Variants in NECAB2 observed in about 807,000 individuals in gnomAD.
The protein encoded by NECAB2 is N-terminal EF-hand calcium-binding protein 2.
Under a neutral mutation model 51.9 loss-of-function variants are expected in NECAB2, and 68 were observed. The observed-to-expected ratio is 1.31, with a 90% confidence interval of 1.08 to 1.60. NECAB2 has a LOEUF of 1.60. Among genes scored for constraint, NECAB2 ranks in the 40% most tolerant of loss-of-function variants. The pLI, the probability that NECAB2 is intolerant of heterozygous loss-of-function variation, is 0.00. For synonymous variants in NECAB2, 329 were observed against 203.5 expected (o/e 1.62, Z -5.25); for missense variants, 854 against 490.3 (o/e 1.74, Z -7.00).
At chr16:84,001,425 G>C (rs114896700) in intron 11 of NECAB2, among the ~76,000 whole-genome samples, 7 of 152,108 alleles carry the variant, frequency 4.6e-5, no homozygotes, top group Admixed American at 2.0e-4. Context: ...GAACAGGGGC[G>C]GTCATGAGAA....
Position 83,980,771 on chromosome 16 carries a change from T to C in NECAB2, c.336-68T>C. On this transcript the variant is annotated intron_variant, in intron 3 of 12. Coordinates refer to ENST00000305202, the MANE Select transcript of NECAB2 (RefSeq NM_019065.3). ...CAGGCAGGATGTGTGTTTCGCAGGC[T>C]GTGCAGGGTCAGGCCTGCTAACCCC... is the stretch of plus-strand genomic sequence containing the variant. 3.9e-6 allele frequency: 6 copies of C among 1,523,714 alleles called. No individual in the cohort carries two copies. In the South Asian group the frequency reaches 7.2e-5, roughly 18 times the overall value. 94.4% of individuals were successfully genotyped at this position (1,523,714 alleles called of 1,614,324 possible).
intron 6 of NECAB2, among the ~76,000 whole-genome samples, chr16:83,992,487 A>C (rs1286732135): frequency 1.3e-5 from 2 of 151,936 alleles, no homozygotes; most frequent in African/African-American, 2.4e-5. Flanking sequence ...GAAAATGCAA[A>C]CAGATGAGGG....
Position 83,979,128 on chromosome 16 carries a change from G to T in NECAB2, c.335+576G>T, listed in dbSNP as rs547084120. Among the ~76,000 whole-genome samples, 135 of 152,270 alleles carry T rather than the reference G, an allele frequency of 8.9e-4. 3 individuals are homozygous for T. The highest frequency in any genetic ancestry group is 3.0e-3 in the African/African-American group (123 of 41,540). On this transcript the variant is annotated intron_variant, in intron 3 of 12. Transcript: ENST00000305202. Reference sequence around the variant, plus strand: ...AAGTGGAAAATGCAGATTCTACTCAGACTTACCCTTGACCCTTCCCAGCCT... The same window carrying T: ...AAGTGGAAAATGCAGATTCTACTCATACTTACCCTTGACCCTTCCCAGCCT...
chr16:83,984,406 C>T (rs1205223344), intron 5 of NECAB2, among the ~76,000 whole-genome samples: 2 of 151,838 alleles, frequency 1.3e-5, no homozygotes, highest in East Asian at 1.9e-4. Flanking sequence ...CACACGCAGG[C>T]ACTTAATGCA....
At chr16:83,999,496 C>T (rs1006790205) in intron 10 of NECAB2, among the ~76,000 whole-genome samples, 7 of 152,170 alleles carry the variant, frequency 4.6e-5, no homozygotes, top group Admixed American at 2.0e-4. Context: ...CATGGTGCAC[C>T]TAAAGCTGCA....
rs748979821 is a variant in NECAB2 at position 83,997,206 on chromosome 16, A to T, written c.796-10A>T. The T allele has an allele frequency of 3.7e-6, 6 of 1,613,978 alleles. No homozygotes were observed. The highest frequency in any genetic ancestry group is 5.1e-6 in the Non-Finnish European group (6 of 1,179,998). On this transcript the variant is annotated splice_polypyrimidine_tract_variant and intron_variant, in intron 8 of 12. Coordinates refer to ENST00000305202, the MANE Select transcript of NECAB2 (RefSeq NM_019065.3). Reference sequence around the variant, plus strand: ...TGGGTCTAGCATCACTGTGTGCTGGATTGTTTCAGGCACTGTGGTTCGACC... The same window carrying T: ...TGGGTCTAGCATCACTGTGTGCTGGTTTGTTTCAGGCACTGTGGTTCGACC...
chr16:83,994,214 C>G (rs1055006625), intron 6 of NECAB2, 88 bp from the exon 7 acceptor site: 1 of 1,181,276 alleles, frequency 8.5e-7, no homozygotes, highest in African/African-American at 1.5e-5. Context: ...CACTGTCTTG[C>G]GTAATAAATG....
chr16:83,991,814 C>CTTTTTTTTT (rs1362219666), intron 6 of NECAB2, among the ~76,000 whole-genome samples: 1 of 142,762 alleles, frequency 7.0e-6, no homozygotes, highest in African/African-American at 2.8e-5. Context: ...CCACACCCAG[C>CTTTTTTTTT]TATTTTTTTT....
intron 5 of NECAB2, among the ~76,000 whole-genome samples, chr16:83,987,574 G>C (rs760785231): frequency 1.5e-4 from 23 of 151,762 alleles, no homozygotes; most frequent in Non-Finnish European, 2.6e-4. Flanking sequence ...TATAATCTGT[G>C]TTCAAAAATC....
upstream of NECAB2, chr16:83,966,412 A>G (rs181003812): frequency 1.2e-3 from 257 of 211,402 alleles, no homozygotes; most frequent in African/African-American, 5.6e-3. Context: ...AAGGGAGGAA[A>G]GGGGATTGTG....
At chr16:83,967,095 C>G (rs146630202), upstream of NECAB2, among the ~76,000 whole-genome samples, 448 of 152,322 alleles carry the variant, frequency 2.9e-3, 1 homozygote, top group African/African-American at 0.011. Flanking sequence ...TGGTCTTGAA[C>G]TCCTGACCTC....
intron 8 of NECAB2, among the ~76,000 whole-genome samples, chr16:83,996,434 C>T (rs535707754): frequency 1.8e-4 from 27 of 152,288 alleles, no homozygotes; most frequent in African/African-American, 6.3e-4. Flanking sequence ...ACAGACTCAT[C>T]CACCTGCTGC....
intron 9 of NECAB2, 137 bp from the exon 10 acceptor site, chr16:83,998,068 C>T (rs1056755067): frequency 1.6e-5 from 12 of 735,728 alleles, no homozygotes; most frequent in African/African-American, 3.5e-5. Context: ...CATTCTTATC[C>T]ATTCATGGGT....
intron 8 of NECAB2, 107 bp from the exon 9 acceptor site, chr16:83,997,109 C>G: frequency 7.4e-7 from 1 of 1,342,990 alleles, no homozygotes; most frequent in Non-Finnish European, 1.1e-6. Context: ...TGCAACAGGG[C>G]CGGGTCCTTG....
intron 1 of NECAB2, among the ~76,000 whole-genome samples, chr16:83,969,092 C>T (rs955390987): frequency 1.3e-5 from 2 of 151,580 alleles, no homozygotes; most frequent in South Asian, 2.1e-4. Context: ...CGGCGCTTCT[C>T]GGAGTCCCTG....
At chr16:83,981,778 C>T (rs1477431884) in intron 5 of NECAB2, among the ~76,000 whole-genome samples, 2 of 152,106 alleles carry the variant, frequency 1.3e-5, no homozygotes, top group African/African-American at 2.4e-5. Context: ...CATCCAGGAG[C>T]AGAGAGCAGC....
chr16:83,998,404 T>G (rs1476649034), intron 10 of NECAB2, 87 bp downstream of exon 10: 1 of 1,309,370 alleles, frequency 7.6e-7, no homozygotes, highest in East Asian at 2.4e-5. Context: ...GGCTTTGCCC[T>G]AAGTAGTACA....
chr16:83,984,831 A>G (rs1014248560), intron 5 of NECAB2, among the ~76,000 whole-genome samples: 3 of 152,208 alleles, frequency 2.0e-5, no homozygotes, highest in African/African-American at 7.2e-5. Flanking sequence ...GCCTGTTTTA[A>G]TTAGCTGTTT....
chr16:83,988,763 A>G (rs770202183), intron 5 of NECAB2, among the ~76,000 whole-genome samples: 2 of 152,176 alleles, frequency 1.3e-5, no homozygotes, highest in African/African-American at 2.4e-5. Context: ...ACTGGATGCA[A>G]AATTTCTCCA....
Sources: gnomAD v4.1 joint callset for allele counts (sites outside exome capture counted in the v4.1 genomes callset) on GRCh38, gnomAD v4.1.1 for gene constraint, MANE v1.5 for transcripts, NCBI Gene and HGNC (gene_info 2026-07-23, HGNC 2026-07-21) for gene names.